TCF20: variants seen among roughly 807,000 people sequenced by gnomAD.
TCF20 encodes transcription factor 20.
TCF20 carries 3 observed loss-of-function variants against 148.6 expected under a neutral mutation model. The observed-to-expected ratio is 0.02, with a 90% CI of 0.01 to 0.05. TCF20 has a LOEUF of 0.05. Among genes scored for constraint, TCF20 ranks in the 10% least tolerant of loss-of-function variants. The pLI is 1.00. For missense variants in TCF20, 2,350 were observed against 2,429.3 expected, an observed-to-expected ratio of 0.97 and a Z score of 0.69; for synonymous variants, 1,049 against 909.5, an observed-to-expected ratio of 1.15 and a Z score of -2.76.
chr22:42,238,246 T>C (rs1468564414), intron 1 of TCF20, among the ~76,000 whole-genome samples: 4 of 152,234 alleles, frequency 2.6e-5, no homozygotes, highest in African/African-American at 9.6e-5. Flanking sequence ...TAGGAACCAA[T>C]CTGTGCTAGC....
chr22:42,309,605 G>A (rs1927496892), intron 1 of TCF20, among the ~76,000 whole-genome samples: 2 of 151,494 alleles, frequency 1.3e-5, no homozygotes, highest in African/African-American at 2.4e-5. Context: ...AACCGTGCCC[G>A]TGGCCCTCCA....
Position 42,211,168 on chromosome 22 carries a change from C to T in TCF20, c.4138G>A (p.Val1380Ile), listed in dbSNP as rs755149052. The T allele has an allele frequency of 6.2e-7, 1 of 1,614,208 alleles. No homozygotes were observed. Among genetic ancestry groups the T allele is most frequent in the Admixed American group, 1.7e-5 (1 of 60,020 alleles). Residue 1380 changes from valine (V) to isoleucine (I), a missense_variant, in exon 2 of 6, where the codon GTT (valine) becomes ATT (isoleucine). Coordinates refer to ENST00000677622, the MANE Select transcript of TCF20 (RefSeq NM_001378418.1). ...SNSAEAGGDT[V>I]TLDDILSLKS... ...AAAGACAGTATATCATCAAGCGTAA[C>T]CGTGTCTCCCCCAGCCTCCGCACTG... is the stretch of plus-strand genomic sequence containing the variant.
chr22:42,255,275 A>T (rs1925667787), intron 1 of TCF20, among the ~76,000 whole-genome samples: 1 of 152,076 alleles, frequency 6.6e-6, no homozygotes, highest in South Asian at 2.1e-4. Flanking sequence ...TCACGAGGTC[A>T]GGAAATCGAG....
At chr22:42,162,519 C>T (rs1935528645) in intron 5 of TCF20, among the ~76,000 whole-genome samples, 3 of 152,152 alleles carry the variant, frequency 2.0e-5, no homozygotes, top group South Asian at 2.1e-4. Context: ...CCCTGTGGAA[C>T]GCTTCATGGG....
At chr22:42,247,132 A>G (rs896003694) in intron 1 of TCF20, among the ~76,000 whole-genome samples, 4 of 152,068 alleles carry the variant, frequency 2.6e-5, no homozygotes, top group Admixed American at 6.6e-5. Context: ...GCCTTGAAAT[A>G]TAACTATCTC....
At chr22:42,175,160 T>C (rs769916393) in intron 3 of TCF20, among the ~76,000 whole-genome samples, 4 of 152,142 alleles carry the variant, frequency 2.6e-5, no homozygotes, top group East Asian at 3.8e-4. Context: ...CTAGAGGTAA[T>C]GAAAATGAGA....
chr22:42,219,464 A>G (rs1427115801), intron 1 of TCF20, among the ~76,000 whole-genome samples: 3 of 151,506 alleles, frequency 2.0e-5, no homozygotes, highest in Non-Finnish European at 4.4e-5. Flanking sequence ...GTGATTAGTA[A>G]TAATAAGTGC....
upstream of TCF20, among the ~76,000 whole-genome samples, chr22:42,272,542 A>G (rs967783581): frequency 6.6e-6 from 1 of 152,212 alleles, no homozygotes; most frequent in Non-Finnish European, 1.5e-5. Flanking sequence ...CAAAAGGGAA[A>G]GAATAAAGAA....
At position 42,213,654 on chromosome 22, in the gene TCF20, C is replaced by T. The variant is rs759225855; in HGVS notation, c.1652G>A (p.Gly551Glu). The T allele has an allele frequency of 6.2e-7, 1 of 1,614,002 alleles. No homozygotes were observed. The highest frequency in any genetic ancestry group is 8.5e-7 in the Non-Finnish European group (1 of 1,180,026). The change falls in exon 2 of 6, where the codon GGA becomes GAA. Residue 551 changes from glycine (G) to glutamate (E), a missense_variant. By Grantham distance (98) the Gly-to-Glu change is moderately conservative. Coordinates refer to ENST00000677622, the MANE Select transcript of TCF20 (RefSeq NM_001378418.1). ...TGAGGAGCCAGCTTTCTCAGAGGCT[C>T]CACCCTTGTAGGTGGTGTCAGAGCT... Reference protein sequence around the residue: ...STSSDTTYKGGASEKAGSSPA... With the variant: ...STSSDTTYKGEASEKAGSSPA...
Position 42,209,730 on chromosome 22 carries a change from A to C in TCF20, c.5576T>G (p.Ile1859Ser). The C allele has an allele frequency of 1.9e-6, 3 of 1,614,230 alleles. No individual in the cohort carries two copies. The highest frequency in any genetic ancestry group is 2.5e-6 in the Non-Finnish European group (3 of 1,180,028). The change falls in exon 2 of 6, where the codon ATT becomes AGT. Residue 1859 changes from isoleucine (I) to serine (S), a missense_variant. Ile to Ser is a moderately radical substitution (Grantham distance 142). This residue lies in a region of TCF20 where 374 missense variants were observed against 398.3 expected (regional missense o/e 0.94). Coordinates refer to ENST00000677622, the MANE Select transcript of TCF20 (RefSeq NM_001378418.1). ...SNEFWVHEGC[I>S]LWANGIYLVC... is the part of the protein sequence containing the mutation. ...CAGGTAGATTCCATTGGCCCAGAGA[A>C]TACAACCCTCATGGACCCAAAATTC...
Position 42,245,037 on chromosome 22 carries a change from C to T in TCF20, c.-37+25302G>A, listed in dbSNP as rs930874760. On this transcript the variant is annotated intron_variant, in intron 1 of 5. Coordinates refer to ENST00000677622, the MANE Select transcript of TCF20 (RefSeq NM_001378418.1). ...GGCGGAGATTGCAGTGAGCCGTGAT[C>T]ATGCCACTGCACTCCAGCCTGGGCA... Among the ~76,000 whole-genome samples, 18 of 152,092 alleles carry T rather than the reference C, an allele frequency of 1.2e-4. No homozygotes were observed. The East Asian group carries it at 3.5e-3, about 29-fold the overall frequency.
At chr22:42,329,315 G>A (rs956013075) in intron 1 of TCF20, among the ~76,000 whole-genome samples, 2 of 152,254 alleles carry the variant, frequency 1.3e-5, no homozygotes. Context: ...AGCTGTGGGG[G>A]TGAGCACCTG....
chr22:42,212,226 C>T lies in TCF20; in HGVS notation c.3080G>A (p.Gly1027Glu). 1 of 1,614,190 alleles carries T rather than the reference C, an allele frequency of 6.2e-7. No individual in the cohort carries two copies. The highest frequency in any genetic ancestry group is 8.5e-7 in the Non-Finnish European group (1 of 1,180,032). ...TGGATTCATGTGATGAGGGTCTCCC[C>T]CTGGGCCTCTGCTCCGCCCAGGAGA... ...KMSPGRSRGP[G>E]GDPHHMNPHM... Residue 1027 changes from glycine (G) to glutamate (E), a missense_variant, in exon 2 of 6, where the codon GGG becomes GAG. Gly to Glu is a moderately conservative substitution (Grantham distance 98, BLOSUM62 -2). This residue lies in a region of TCF20 where 1,641 missense variants were observed against 1,662.6 expected (regional missense o/e 0.99). Coordinates refer to ENST00000677622, the MANE Select transcript of TCF20 (RefSeq NM_001378418.1).
chr22:42,278,910 G>A (rs1023670269), intron 1 of TCF20: 1 of 152,244 alleles, frequency 6.6e-6, no homozygotes. Flanking sequence ...CCCATGTCCT[G>A]AGCAAAGGTG....
At chr22:42,296,731 G>A (rs1173040303) in intron 1 of TCF20, among the ~76,000 whole-genome samples, 1 of 152,220 alleles carries the variant, frequency 6.6e-6, no homozygotes, top group East Asian at 1.9e-4. Context: ...CACCACCCGA[G>A]CCACAAGGGG....
At chr22:42,228,147 A>C (rs1203416356) in intron 1 of TCF20, among the ~76,000 whole-genome samples, 1 of 152,232 alleles carries the variant, frequency 6.6e-6, no homozygotes, top group Non-Finnish European at 1.5e-5. Flanking sequence ...TGTGGAAAAC[A>C]GACCAGGGGA....
chr22:42,214,028 G>C lies in TCF20; in HGVS notation c.1278C>G (p.Pro426=), dbSNP rs765105686. The change falls in exon 2 of 6, where the codon CCC becomes CCG. Residue 426 remains proline, a synonymous_variant. Coordinates refer to ENST00000677622, the MANE Select transcript of TCF20 (RefSeq NM_001378418.1). The part of the protein sequence containing the change: ...PQLSPTPSMM[P]SPNSHAAGFK... Reference sequence around the variant, plus strand: ...AGCCTGCAGCATGAGAATTAGGACTGGGCATCATTGATGGGGTTGGACTGA... The same window carrying C: ...AGCCTGCAGCATGAGAATTAGGACTCGGCATCATTGATGGGGTTGGACTGA... 9 of 1,614,172 alleles carry C rather than the reference G, an allele frequency of 5.6e-6. No homozygotes were observed. The South Asian group carries it at 7.7e-5, about 14-fold the overall frequency.
intron 3 of TCF20, among the ~76,000 whole-genome samples, chr22:42,173,414 A>G (rs1256294849): frequency 6.6e-6 from 1 of 152,128 alleles, no homozygotes; most frequent in Admixed American, 6.5e-5. Flanking sequence ...AGATCATGAA[A>G]CAAAGATTCT....
Position 42,290,876 on chromosome 22 carries a change from C to T in TCF20, c.-37+52603G>A, listed in dbSNP as rs933491042. ...AGACCCTAGAACAGTGCTGGGAGGA[C>T]TCACATCTTCAGGGGCTTTGCAAAG... is the stretch of plus-strand genomic sequence containing the variant. On this transcript the variant is annotated intron_variant, in intron 1 of 1. Transcript: ENST00000515426. This position sits in a 1 kb window ranked among gnomAD's most constrained non-coding sequence, Gnocchi z 4.2. Among the ~76,000 whole-genome samples the T allele has an allele frequency of 6.6e-6, 1 of 152,204 alleles. No individual in the cohort carries two copies. The highest frequency in any genetic ancestry group is 2.4e-5 in the African/African-American group (1 of 41,448).
Sources: allele counts gnomAD v4.1 joint callset (sites outside exome capture counted in the v4.1 genomes callset), GRCh38; gene constraint gnomAD v4.1.1; regional missense constraint gnomAD v4.1.1; non-coding constraint Gnocchi (gnomAD v3.1); transcripts MANE v1.5; gene names NCBI Gene and HGNC (gene_info 2026-07-23, HGNC 2026-07-21).